The following ZNF831 variants were observed in gnomAD, a reference collection of about 807,000 sequenced individuals.
ZNF831 encodes chromosome 20 open reading frame 174.
ZNF831 carries 59 observed loss-of-function variants against 95.8 expected under a neutral mutation model. The ratio of observed to expected loss-of-function variants is 0.62; its 90% confidence interval spans 0.50 to 0.77. ZNF831 has a LOEUF of 0.77. Ranked by LOEUF, ZNF831 falls within the 30% of genes least tolerant of loss-of-function variation. The probability of loss-of-function intolerance (pLI) is 0.00; values close to 1 mark genes in which losing one functional copy is unlikely to be tolerated. For synonymous variants in ZNF831, 961 were observed against 925.5 expected (o/e 1.04, Z -0.70); for missense variants, 2,205 against 2,164.0 (o/e 1.02, Z -0.38).
At chr20:59,180,261 ATT>A (rs578222892) in intron 1 of ZNF831, among the ~76,000 whole-genome samples, 2,572 of 152,006 alleles carry the variant, frequency 0.017, 24 homozygotes, top group Admixed American at 0.023. Context: ...CTAATTATTT[ATT>A]TTTTGTAGAG....
chr20:59,142,159 T>C (rs8120464), intron 1 of ZNF831, among the ~76,000 whole-genome samples: 3 of 151,974 alleles, frequency 2.0e-5, no homozygotes, highest in South Asian at 4.2e-4. Flanking sequence ...CTCAACACAG[T>C]TGAGTGATGG....
intron 4 of ZNF831, among the ~76,000 whole-genome samples, chr20:59,216,850 C>T (rs561941720): frequency 8.8e-4 from 133 of 151,920 alleles, no homozygotes; most frequent in African/African-American, 3.1e-3. Context: ...TTCTAAAGAT[C>T]ACTCTAGACA....
chr20:59,145,715 C>A (rs1601294695), intron 1 of ZNF831, among the ~76,000 whole-genome samples: 1 of 152,164 alleles, frequency 6.6e-6, no homozygotes, highest in African/African-American at 2.4e-5. Flanking sequence ...CTGAGCAAGA[C>A]CCTGGAGGAG....
At chr20:59,153,945 G>A (rs1220620459) in intron 2 of ZNF831, among the ~76,000 whole-genome samples, 2 of 152,176 alleles carry the variant, frequency 1.3e-5, no homozygotes, top group African/African-American at 4.8e-5. Flanking sequence ...GTCCTGTTCA[G>A]GTGGTGAGGA....
chr20:59,132,892 C>A (rs998851284), intron 1 of ZNF831, among the ~76,000 whole-genome samples: 2 of 152,266 alleles, frequency 1.3e-5, no homozygotes, highest in African/African-American at 2.4e-5. Context: ...CAAGGCCTGA[C>A]AGTGGCCCAT....
intron 1 of ZNF831, among the ~76,000 whole-genome samples, chr20:59,177,827 A>T (rs2146510340): frequency 6.6e-6 from 1 of 152,292 alleles, no homozygotes. Flanking sequence ...CCCTAATGTG[A>T]CACGATGTTG....
chr20:59,174,230 C>A (rs989950458), intron 1 of ZNF831, among the ~76,000 whole-genome samples: 8 of 152,158 alleles, frequency 5.3e-5, no homozygotes, highest in Admixed American at 3.9e-4. Flanking sequence ...TGGCTTTACG[C>A]GGCTTTAGTT....
intron 1 of ZNF831, among the ~76,000 whole-genome samples, chr20:59,170,134 G>A (rs1981609069): frequency 6.6e-6 from 1 of 151,904 alleles, no homozygotes; most frequent in Admixed American, 6.6e-5. Context: ...ACAATTAATA[G>A]CAGTTTATTT....
intron 4 of ZNF831, among the ~76,000 whole-genome samples, chr20:59,251,602 G>A (rs540230891): frequency 2.0e-4 from 30 of 152,318 alleles, no homozygotes; most frequent in East Asian, 1.3e-3. Context: ...GGAAAGAGGC[G>A]AAGAGAATCA....
rs548311166 is a variant in ZNF831 at position 59,249,631 on chromosome 20, C to T, written c.4028-3347C>T. Among the ~76,000 whole-genome samples the T allele has an allele frequency of 5.3e-5, 8 of 152,154 alleles. No individual in the cohort carries two copies. The South Asian group carries it at 6.2e-4, about 12-fold the overall frequency. On this transcript the variant is annotated intron_variant, in intron 4 of 5. Coordinates refer to ENST00000371030, the MANE Select transcript of ZNF831 (RefSeq NM_178457.3). ...TGTGCCATTAGATTACCTGAGTACACGGGAGGGTCAAGAAAGATTGTGTGG... is the reference window on the plus strand; with the variant it reads ...TGTGCCATTAGATTACCTGAGTACATGGGAGGGTCAAGAAAGATTGTGTGG...
At chr20:59,157,009 T>C (rs1325615472) in intron 2 of ZNF831, among the ~76,000 whole-genome samples, 1 of 152,228 alleles carries the variant, frequency 6.6e-6, no homozygotes, top group East Asian at 1.9e-4. Flanking sequence ...ATGCAGTGTT[T>C]AATAACCACA....
rs202010634 is a variant in ZNF831, at chr20:59,191,350, C to T, written c.331C>T (p.Pro111Ser). Residue 111 changes from proline (P) to serine (S), a missense_variant, in exon 2 of 6, where the codon CCT becomes TCT. Pro to Ser is a moderately conservative substitution (Grantham distance 74, BLOSUM62 -1). Coordinates refer to ENST00000371030, the MANE Select transcript of ZNF831 (RefSeq NM_178457.3). ...GPTQVGKPAA[P>S]TLTVNIVGTL... ...CACCCAGGTGGGGAAGCCGGCGGCCCCTACGCTGACGGTGAACATCGTGGG... is the reference window on the plus strand; with the variant it reads ...CACCCAGGTGGGGAAGCCGGCGGCCTCTACGCTGACGGTGAACATCGTGGG... The T allele has an allele frequency of 1.2e-6, 2 of 1,607,776 alleles. No individual in the cohort carries two copies. The highest frequency in any genetic ancestry group is 1.7e-6 in the Non-Finnish European group (2 of 1,177,104).
At chr20:59,165,237 G>A (rs1016901850) in intron 1 of ZNF831, among the ~76,000 whole-genome samples, 8 of 152,228 alleles carry the variant, frequency 5.3e-5, no homozygotes, top group East Asian at 3.9e-4. Context: ...ATCAGGCGCC[G>A]TGGAGTTACC....
At chr20:59,130,699 GA>G (rs1490742174) in intron 1 of ZNF831, among the ~76,000 whole-genome samples, 1 of 152,168 alleles carries the variant, frequency 6.6e-6, no homozygotes, top group Non-Finnish European at 1.5e-5. Context: ...TCCCAGAGAT[GA>G]AAAATGCCCC....
chr20:59,240,182 C>T (rs1159958334), intron 4 of ZNF831, among the ~76,000 whole-genome samples: 1 of 151,278 alleles, frequency 6.6e-6, no homozygotes, highest in African/African-American at 2.4e-5. Flanking sequence ...GTGCCTGCCA[C>T]AAGATTCCCC....
intron 1 of ZNF831, among the ~76,000 whole-genome samples, chr20:59,130,399 T>G (rs1979313944): frequency 6.6e-6 from 1 of 152,138 alleles, no homozygotes; most frequent in African/African-American, 2.4e-5. Context: ...GTTTCCAGGG[T>G]GCACTGAACT....
In ZNF831 at chr20:59,258,411, A is replaced by T. The variant is rs1259775753; in HGVS notation, c.*3668A>T. On this transcript the variant is annotated 3_prime_UTR_variant, in exon 6 of 6. Transcript: ENST00000371030. ...CTTGCATTTACATTCATTACTTAGAATGATCACATTATTCATTTTTTTCCC... is the reference window on the plus strand; with the variant it reads ...CTTGCATTTACATTCATTACTTAGATTGATCACATTATTCATTTTTTTCCC... 1 of 152,660 alleles carries T rather than the reference A, an allele frequency of 6.6e-6. No individual in the cohort carries two copies. Among genetic ancestry groups the T allele is most frequent in the Admixed American group, 6.5e-5 (1 of 15,286 alleles). 9.5% of individuals were successfully genotyped at this position (152,660 alleles called of 1,614,324 possible).
intron 1 of ZNF831, among the ~76,000 whole-genome samples, chr20:59,145,000 G>A (rs1407703133): frequency 1.3e-5 from 2 of 152,218 alleles, no homozygotes; most frequent in Admixed American, 1.3e-4. Context: ...GGAGCAGTGA[G>A]GAGTAGACCT....
intron 1 of ZNF831, among the ~76,000 whole-genome samples, chr20:59,171,034 C>A (rs1414246584): frequency 2.0e-5 from 3 of 152,182 alleles, no homozygotes; most frequent in African/African-American, 7.2e-5. Flanking sequence ...TGTGAACCCC[C>A]CAGCCACAGG....
Sources: gnomAD v4.1 joint callset for allele counts (sites outside exome capture counted in the v4.1 genomes callset) on GRCh38, gnomAD v4.1.1 for gene constraint, MANE v1.5 for transcripts, NCBI Gene and HGNC (gene_info 2026-07-23, HGNC 2026-07-21) for gene names.